The following PNPT1 variants were observed in gnomAD, a reference collection of about 807,000 sequenced individuals.
The protein encoded by PNPT1 is polyribonucleotide nucleotidyltransferase 1.
In PNPT1, 53 loss-of-function variants were observed where a neutral mutation model predicts 119.5. That is an observed-to-expected ratio of 0.44 (90% CI 0.36 to 0.56). PNPT1 has a LOEUF of 0.56. PNPT1 is among the 20% of genes least tolerant of loss of function. The probability of loss-of-function intolerance (pLI) is 0.00; values close to 1 mark genes in which losing one functional copy is unlikely to be tolerated. For synonymous variants in PNPT1, 357 were observed against 322.1 expected (o/e 1.11, Z -1.16); for missense variants, 948 against 938.5 (o/e 1.01, Z -0.13).
chr2:55,680,103 A>G (rs1421952190), intron 7 of PNPT1, among the ~76,000 whole-genome samples: 7 of 152,222 alleles, frequency 4.6e-5, no homozygotes, highest in Admixed American at 4.6e-4. Context: ...ACTAAGGTTC[A>G]GCTTACACAA....
chr2:55,637,567 A>G lies in PNPT1; in HGVS notation c.2181T>C (p.Val727=), dbSNP rs775812797. The change falls in exon 27 of 28, where the codon GTT becomes GTC. Residue 727 remains valine, a synonymous_variant. Coordinates refer to ENST00000447944, the MANE Select transcript of PNPT1 (RefSeq NM_033109.5). ...IKHPTALGLE[V]GQEIQVKYFG... Reference sequence around the variant, plus strand: ...ATACAAATACCTGAATTTCTTGGCCAACTTCTAATCCTAGGGCAGTAGGAT... The same window carrying G: ...ATACAAATACCTGAATTTCTTGGCCGACTTCTAATCCTAGGGCAGTAGGAT... 3 of 1,605,404 alleles carry G rather than the reference A, an allele frequency of 1.9e-6. No homozygotes were observed. The Admixed American group carries it at 5.0e-5, about 27-fold the overall frequency.
intron 13 of PNPT1, among the ~76,000 whole-genome samples, chr2:55,663,106 G>A (rs188013230): frequency 6.6e-6 from 1 of 152,138 alleles, no homozygotes; most frequent in East Asian, 1.9e-4. Context: ...GTATGGTCTC[G>A]ATCTCCTGAC....
At chr2:55,665,078 A>G (rs996473923) in intron 13 of PNPT1, among the ~76,000 whole-genome samples, 4 of 152,164 alleles carry the variant, frequency 2.6e-5, no homozygotes, top group Admixed American at 1.3e-4. Context: ...CCTAAATCAT[A>G]ATAATTAAAA....
intron 13 of PNPT1, 106 bp from the exon 14 acceptor site, chr2:55,662,132 C>A: frequency 1.1e-6 from 1 of 903,590 alleles, no homozygotes; most frequent in Non-Finnish European, 1.6e-6. Context: ...GAGATAAGTA[C>A]ATCCTACACA....
intron 4 of PNPT1, among the ~76,000 whole-genome samples, chr2:55,684,449 G>A (rs552919069): frequency 1.3e-5 from 2 of 152,140 alleles, no homozygotes; most frequent in Non-Finnish European, 2.9e-5. Flanking sequence ...GGGTGACAGA[G>A]CAAGACTCTG....
chr2:55,667,068 G>A lies in PNPT1; in HGVS notation c.1099C>T (p.Leu367Phe), dbSNP rs142840568. ...KRCDGRDLTSLRNVSCEVDMF... is the reference protein window; with the variant it reads ...KRCDGRDLTSFRNVSCEVDMF... ...TCTACCTCACAACTTACATTCCTAA[G>A]TGAAGTCAAATCCCGACCATCGCAC... Residue 367 changes from leucine to phenylalanine, a missense_variant, in exon 13 of 28, where the codon CTT becomes TTT. By Grantham distance (22) the Leu-to-Phe change is conservative. Coordinates refer to ENST00000447944, the MANE Select transcript of PNPT1 (RefSeq NM_033109.5). 4.4e-5 allele frequency: 71 copies of A among 1,612,246 alleles called. 1 individual carries two copies. The African/African-American group carries it at 6.8e-4, about 15-fold the overall frequency.
chr2:55,654,624 C>T (rs1696326283), intron 18 of PNPT1, among the ~76,000 whole-genome samples: 1 of 152,174 alleles, frequency 6.6e-6, no homozygotes, highest in Non-Finnish European at 1.5e-5. Flanking sequence ...ACTTTTCAGC[C>T]ATCTTGCCTC....
chr2:55,654,256 C>CAACA (rs1553496091), intron 18 of PNPT1, among the ~76,000 whole-genome samples: 1 of 108,866 alleles, frequency 9.2e-6, no homozygotes, highest in Non-Finnish European at 1.8e-5. Flanking sequence ...GACTCTGTCT[C>CAACA]AAAAAAAAAA....
chr2:55,689,961 A>G (rs1697539225), intron 1 of PNPT1, among the ~76,000 whole-genome samples: 2 of 152,148 alleles, frequency 1.3e-5, no homozygotes, highest in Non-Finnish European at 2.9e-5. Flanking sequence ...AGCTCGAAAT[A>G]CAGGTGTGCA....
chr2:55,691,878 A>ATATATATAT (rs1326804958), intron 1 of PNPT1, among the ~76,000 whole-genome samples: 3 of 33,120 alleles, frequency 9.1e-5, no homozygotes, highest in African/African-American at 2.9e-4. Context: ...ATATATATAT[A>ATATATATAT]TTTTTTTTTT....
At chr2:55,642,932 C>T (rs956210625) in intron 25 of PNPT1, among the ~76,000 whole-genome samples, 3 of 152,094 alleles carry the variant, frequency 2.0e-5, no homozygotes, top group African/African-American at 7.2e-5. Context: ...ACCTGGGCAA[C>T]ATAGTGAGAC....
At chr2:55,670,856 A>T (rs1354539037) in intron 11 of PNPT1, among the ~76,000 whole-genome samples, 1 of 152,204 alleles carries the variant, frequency 6.6e-6, no homozygotes, top group Non-Finnish European at 1.5e-5. Flanking sequence ...TGCTAGCTAC[A>T]TTCATAGAAG....
rs763703899 is a variant in PNPT1 at position 55,680,797 on chromosome 2, T to G, written c.518-38A>C. On this transcript the variant is annotated intron_variant, in intron 6 of 27. Coordinates refer to ENST00000447944, the MANE Select transcript of PNPT1 (RefSeq NM_033109.5). ...GAAAAATCAGGGCCGAAATTAAAAT[T>G]TCATTGCTTTAAAAAAATTTTTAAT... 3.1e-6 allele frequency: 5 copies of G among 1,612,180 alleles called. No individual in the cohort carries two copies. In the African/African-American group the frequency reaches 4.0e-5, roughly 13 times the overall value.
rs1194867121 is a variant in PNPT1 at position 55,646,329 on chromosome 2, TG to T, written c.1675-8del. 1 of 1,609,932 alleles carries T rather than the reference TG, an allele frequency of 6.2e-7. No homozygotes were observed. Among genetic ancestry groups the T allele is most frequent in the Admixed American group, 1.7e-5 (1 of 59,710 alleles). ...CAGGTAATTTAATATCAGCCTAATA[TG>T]GAAAAGTCAAACAATTATATAAATA... On this transcript the variant is annotated splice_region_variant and splice_polypyrimidine_tract_variant and intron_variant, in intron 20 of 27. Transcript: ENST00000447944.
rs563286248 is a variant in PNPT1 at position 55,677,895 on chromosome 2, C to T, written c.679+1787G>A. On this transcript the variant is annotated intron_variant, in intron 8 of 27. Coordinates refer to ENST00000447944, the MANE Select transcript of PNPT1 (RefSeq NM_033109.5). The stretch of plus-strand genomic sequence containing the variant: ...CTGGGACTACAGGCGCCCGCCAACA[C>T]GCCCGGCTAATTTTTTTTTGTATTT... Among the ~76,000 whole-genome samples, 20 of 152,022 alleles carry T rather than the reference C, an allele frequency of 1.3e-4. No homozygotes were observed. The South Asian group carries it at 2.3e-3, about 17-fold the overall frequency.
chr2:55,654,256 CAAA>C (rs1376567034), intron 18 of PNPT1, among the ~76,000 whole-genome samples: 9 of 108,820 alleles, frequency 8.3e-5, no homozygotes, highest in Admixed American at 9.7e-5. Flanking sequence ...GACTCTGTCT[CAAA>C]AAAAAAAAAA....
At chr2:55,678,379 T>G (rs991451365) in intron 8 of PNPT1, among the ~76,000 whole-genome samples, 1 of 152,340 alleles carries the variant, frequency 6.6e-6, no homozygotes, top group African/African-American at 2.4e-5. Flanking sequence ...ACAAAAATCA[T>G]TTCCTTGCCT....
intron 18 of PNPT1, among the ~76,000 whole-genome samples, chr2:55,650,684 G>T (rs1368354837): frequency 6.6e-6 from 1 of 150,662 alleles, no homozygotes; most frequent in Non-Finnish European, 1.5e-5. Flanking sequence ...CTGCCGCCCC[G>T]TCCGGGATGT....
chr2:55,693,671 T>C lies in PNPT1; in HGVS notation c.153A>G (p.Leu51=). 1 of 1,614,210 alleles carries C rather than the reference T, an allele frequency of 6.2e-7. No individual in the cohort carries two copies. Among genetic ancestry groups the C allele is most frequent in the Middle Eastern group, 1.6e-4 (1 of 6,062 alleles). ...SAGSRAVAVD[L]GNRKLEISSG... Reference sequence around the variant, plus strand: ...CGCACGTCACTCCTTACCTGTTGCCTAAGTCCACGGCCACAGCTCGAGACC... The same window carrying C: ...CGCACGTCACTCCTTACCTGTTGCCCAAGTCCACGGCCACAGCTCGAGACC... The change falls in exon 1 of 28, where the codon TTA becomes TTG. Residue 51 remains leucine, a synonymous_variant. Transcript: ENST00000447944.
Sources: gnomAD v4.1 joint callset for allele counts (sites outside exome capture counted in the v4.1 genomes callset) on GRCh38, gnomAD v4.1.1 for gene constraint, MANE v1.5 for transcripts, NCBI Gene and HGNC (gene_info 2026-07-23, HGNC 2026-07-21) for gene names.